The following NKAIN3 variants were observed in gnomAD, a reference collection of about 807,000 sequenced individuals.
NKAIN3 encodes sodium/potassium transporting ATPase interacting 3.
Under a neutral mutation model 30.2 loss-of-function variants are expected in NKAIN3, and 25 were observed. The observed-to-expected ratio is 0.83, with a 90% confidence interval of 0.60 to 1.16. NKAIN3 has a LOEUF of 1.16. NKAIN3 is among the 50% of genes most tolerant of loss of function. The probability of loss-of-function intolerance (pLI) is 0.00; values close to 1 mark genes in which losing one functional copy is unlikely to be tolerated. For missense variants in NKAIN3, 225 were observed against 254.1 expected, an observed-to-expected ratio of 0.89 and a Z score of 0.78; for synonymous variants, 91 against 89.6, an observed-to-expected ratio of 1.02 and a Z score of -0.09.
intron 1 of NKAIN3, among the ~76,000 whole-genome samples, chr8:62,273,178 A>C (rs1163438753): frequency 6.6e-6 from 1 of 152,194 alleles, no homozygotes. Flanking sequence ...TATTAGATTA[A>C]AATAGAAATT....
At chr8:62,436,701 A>T (rs1200756561) in intron 1 of NKAIN3, among the ~76,000 whole-genome samples, 3 of 152,248 alleles carry the variant, frequency 2.0e-5, no homozygotes, top group Admixed American at 6.5e-5. Flanking sequence ...ACAATTTTTT[A>T]AAAAATAATG....
chr8:62,249,066 C>G lies in NKAIN3; in HGVS notation c.-8C>G. On this transcript the variant is annotated 5_prime_UTR_variant, in exon 1 of 7. Coordinates refer to ENST00000623646, the MANE Select transcript of NKAIN3 (RefSeq NM_001304533.3). ...GGCAGTCAGCGCCGCTCGGACGCCG[C>G]CGGCACCATGGGCTGCTGCACCGGA... The G allele has an allele frequency of 6.5e-7, 1 of 1,535,494 alleles. No individual in the cohort carries two copies. Among genetic ancestry groups the G allele is most frequent in the Non-Finnish European group, 8.7e-7 (1 of 1,143,138 alleles).
At chr8:62,804,016 G>A (rs1818175596) in intron 4 of NKAIN3, among the ~76,000 whole-genome samples, 1 of 152,212 alleles carries the variant, frequency 6.6e-6, no homozygotes, top group South Asian at 2.1e-4. Flanking sequence ...AAATCTAGCA[G>A]AAATGGATAA....
At chr8:62,751,675 T>C (rs1816287265) in intron 4 of NKAIN3, among the ~76,000 whole-genome samples, 1 of 152,192 alleles carries the variant, frequency 6.6e-6, no homozygotes, top group East Asian at 1.9e-4. Context: ...TATCCAAATA[T>C]GAAAATAACT....
chr8:62,325,496 C>T (rs1815085623), intron 1 of NKAIN3, among the ~76,000 whole-genome samples: 1 of 152,022 alleles, frequency 6.6e-6, no homozygotes, highest in Non-Finnish European at 1.5e-5. Flanking sequence ...AGGTAGATAC[C>T]TAGCAGTGAG....
chr8:62,966,660 T>G lies in NKAIN3; in HGVS notation c.*1253T>G, dbSNP rs1823721347. On this transcript the variant is annotated 3_prime_UTR_variant, in exon 7 of 7. Coordinates refer to ENST00000623646, the MANE Select transcript of NKAIN3 (RefSeq NM_001304533.3). ...CTGATAATTTGGTCTGTTCTCAATA[T>G]AAAATATATACACTTTTCACATCAC... Among the ~76,000 whole-genome samples the G allele has an allele frequency of 6.6e-6, 1 of 152,206 alleles. No individual in the cohort carries two copies. Among genetic ancestry groups the G allele is most frequent in the Non-Finnish European group, 1.5e-5 (1 of 68,036 alleles).
intron 1 of NKAIN3, among the ~76,000 whole-genome samples, chr8:62,346,282 T>C (rs1416723553): frequency 6.6e-6 from 1 of 152,074 alleles, no homozygotes; most frequent in Non-Finnish European, 1.5e-5. Flanking sequence ...ATTACCCCTA[T>C]TTGAACATTT....
chr8:62,566,671 A>G (rs1214569142), intron 1 of NKAIN3, among the ~76,000 whole-genome samples: 3 of 152,112 alleles, frequency 2.0e-5, no homozygotes, highest in Non-Finnish European at 4.4e-5. Flanking sequence ...CTGCCACCAC[A>G]AAACATACCA....
chr8:62,535,681 T>C (rs528090165), intron 1 of NKAIN3, among the ~76,000 whole-genome samples: 1 of 152,258 alleles, frequency 6.6e-6, no homozygotes, highest in African/African-American at 2.4e-5. Flanking sequence ...GACATGGAGC[T>C]TCCATACCCT....
chr8:62,278,352 G>C (rs1813036294), intron 1 of NKAIN3, among the ~76,000 whole-genome samples: 1 of 151,050 alleles, frequency 6.6e-6, no homozygotes, highest in Non-Finnish European at 1.5e-5. Context: ...ATAAAACCAT[G>C]CCTGACAGGA....
intron 5 of NKAIN3, among the ~76,000 whole-genome samples, chr8:62,996,031 A>G (rs1381464366): frequency 1.3e-5 from 2 of 152,216 alleles, no homozygotes; most frequent in African/African-American, 4.8e-5. Flanking sequence ...ATTTAACATG[A>G]TAACTAGGTT....
At chr8:62,808,525 G>A (rs557297919) in intron 4 of NKAIN3, among the ~76,000 whole-genome samples, 125 of 152,218 alleles carry the variant, frequency 8.2e-4, no homozygotes, top group African/African-American at 2.8e-3. Flanking sequence ...GTGTCGACCG[G>A]TCTGAGAAAT....
At chr8:62,963,839 T>C (rs1274795580) in intron 6 of NKAIN3, among the ~76,000 whole-genome samples, 1 of 151,996 alleles carries the variant, frequency 6.6e-6, no homozygotes, top group Non-Finnish European at 1.5e-5. Context: ...TCTAGGCGCT[T>C]GGGTGGGTAT....
rs1823929846 is a variant in NKAIN3, at chr8:62,975,873, G to A, written c.*10466G>A. Among the ~76,000 whole-genome samples the A allele has an allele frequency of 6.6e-6, 1 of 152,106 alleles. No homozygotes were observed. The highest frequency in any genetic ancestry group is 2.4e-5 in the African/African-American group (1 of 41,430). On this transcript the variant is annotated 3_prime_UTR_variant, in exon 7 of 7. Coordinates refer to ENST00000623646, the MANE Select transcript of NKAIN3 (RefSeq NM_001304533.3). ...TCTAAGCTCTATCCCAGAGATTCTG[G>A]TACATTGTGTCTTTGTTCTTGTTGG...
At chr8:62,481,715 T>G (rs897758325) in intron 1 of NKAIN3, among the ~76,000 whole-genome samples, 1 of 152,222 alleles carries the variant, frequency 6.6e-6, no homozygotes, top group African/African-American at 2.4e-5. Flanking sequence ...CCCTTCTCTT[T>G]ATGACTTGGC....
chr8:62,554,972 C>T (rs948114980), intron 1 of NKAIN3, among the ~76,000 whole-genome samples: 7 of 150,864 alleles, frequency 4.6e-5, no homozygotes, highest in Admixed American at 3.3e-4. Flanking sequence ...GCATAATGCC[C>T]TCCAGGTTCA....
At chr8:62,451,867 G>A (rs575659814) in intron 1 of NKAIN3, among the ~76,000 whole-genome samples, 2 of 152,304 alleles carry the variant, frequency 1.3e-5, no homozygotes, top group Non-Finnish European at 2.9e-5. Flanking sequence ...AAATATGTCT[G>A]AGATCAGAAA....
intron 4 of NKAIN3, among the ~76,000 whole-genome samples, chr8:62,826,094 C>A (rs928156853): frequency 3.3e-5 from 5 of 152,212 alleles, no homozygotes; most frequent in Non-Finnish European, 5.9e-5. Flanking sequence ...CTTCTCTGCT[C>A]ATCTCTGATA....
intron 4 of NKAIN3, among the ~76,000 whole-genome samples, chr8:62,866,475 G>C (rs1197374914): frequency 6.6e-6 from 1 of 152,078 alleles, no homozygotes; most frequent in Non-Finnish European, 1.5e-5. Context: ...ACACAGTTTT[G>C]TTTATGCATT....
Sources: gnomAD v4.1 joint callset for allele counts (sites outside exome capture counted in the v4.1 genomes callset) on GRCh38, gnomAD v4.1.1 for gene constraint, MANE v1.5 for transcripts, NCBI Gene and HGNC (gene_info 2026-07-23, HGNC 2026-07-21) for gene names.